The following EFCAB5 variants were observed in gnomAD, a reference collection of about 807,000 sequenced individuals.
EFCAB5 encodes the protein EF-hand calcium-binding domain-containing protein 5.
A neutral mutation model predicts 167.9 loss-of-function variants in EFCAB5; 131 were observed. That is an observed-to-expected ratio of 0.78 (90% CI 0.68 to 0.90). The LOEUF (loss-of-function observed/expected upper bound fraction) is 0.90, where lower values mean the gene tolerates loss of function less well. EFCAB5 is among the 40% of genes least tolerant of loss of function. EFCAB5 has a pLI of 0.00. For synonymous variants in EFCAB5, 574 were observed against 602.8 expected, an observed-to-expected ratio of 0.95 and a Z score of 0.70; for missense variants, 1,663 against 1,745.2, an observed-to-expected ratio of 0.95 and a Z score of 0.84.
chr17:30,001,862 G>A (rs1273757687), intron 7 of EFCAB5, among the ~76,000 whole-genome samples: 7 of 151,840 alleles, frequency 4.6e-5, no homozygotes, highest in South Asian at 2.1e-4. Flanking sequence ...TTGTGTAATC[G>A]TCACACAACT....
At chr17:30,032,190 C>A (rs552590644) in intron 7 of EFCAB5, among the ~76,000 whole-genome samples, 1 of 152,206 alleles carries the variant, frequency 6.6e-6, no homozygotes, top group South Asian at 2.1e-4. Context: ...TGAATATGTA[C>A]AACTGAATAT....
At chr17:29,933,652 C>T (rs192059789) in intron 1 of EFCAB5, among the ~76,000 whole-genome samples, 1 of 152,264 alleles carries the variant, frequency 6.6e-6, no homozygotes, top group East Asian at 1.9e-4. Context: ...GTCCATTTAA[C>T]CCTTAACTTG....
intron 7 of EFCAB5, among the ~76,000 whole-genome samples, chr17:30,000,346 C>T (rs961288542): frequency 6.6e-6 from 1 of 152,156 alleles, no homozygotes; most frequent in Non-Finnish European, 1.5e-5. Flanking sequence ...GCAACCCTTT[C>T]CTCTGCTTTT....
intron 15 of EFCAB5, among the ~76,000 whole-genome samples, chr17:30,079,442 A>G (rs1053719448): frequency 2.0e-5 from 3 of 152,220 alleles, no homozygotes; most frequent in Admixed American, 2.0e-4. Flanking sequence ...CATGTCCCCA[A>G]TTTATGGATA....
Position 29,993,156 on chromosome 17 carries a change from A to G in EFCAB5, c.768-9A>G, listed in dbSNP as rs1597635130. 3.1e-6 allele frequency: 5 copies of G among 1,602,950 alleles called. No individual in the cohort carries two copies. Among genetic ancestry groups the G allele is most frequent in the Non-Finnish European group, 4.3e-6 (5 of 1,174,392 alleles). Reference sequence around the variant, plus strand: ...AACTCAACATGTTTTCTATATCTACATCCTGCAGAGTATCCAAGATGAAGG... The same window carrying G: ...AACTCAACATGTTTTCTATATCTACGTCCTGCAGAGTATCCAAGATGAAGG... On this transcript the variant is annotated splice_polypyrimidine_tract_variant and intron_variant, in intron 4 of 22. Transcript: ENST00000394835.
At chr17:29,946,537 C>T (rs957293757) in intron 3 of EFCAB5, among the ~76,000 whole-genome samples, 1 of 148,526 alleles carries the variant, frequency 6.7e-6, no homozygotes. Flanking sequence ...CCCAGGTTCA[C>T]GCCATTCTCC....
chr17:30,073,607 C>T (rs990060916), intron 14 of EFCAB5: 11 of 694,764 alleles, frequency 1.6e-5, no homozygotes, highest in Middle Eastern at 2.6e-4. Flanking sequence ...CATTAGAGTT[C>T]GATATTTGTT....
At chr17:29,998,454 A>T (rs1424463704) in intron 6 of EFCAB5, among the ~76,000 whole-genome samples, 1 of 152,156 alleles carries the variant, frequency 6.6e-6, no homozygotes, top group South Asian at 2.1e-4. Flanking sequence ...CAGATACTGT[A>T]ATGAGTAAGA....
Position 30,104,509 on chromosome 17 carries a change from G to T in EFCAB5, c.4322-3325G>T, listed in dbSNP as rs904897614. On this transcript the variant is annotated intron_variant, in intron 22 of 22. Transcript: ENST00000394835. The stretch of plus-strand genomic sequence containing the variant: ...GTCACCCAGTACTCTCTATAGCTTA[G>T]ATATATTCAAATAATTTACTATACA... Among the ~76,000 whole-genome samples, 49 of 151,340 alleles carry T rather than the reference G, an allele frequency of 3.2e-4. 1 individual carries two copies. In the Middle Eastern group the frequency reaches 0.01, roughly 32 times the overall value.
At chr17:29,948,431 C>T (rs756102384) in intron 3 of EFCAB5, among the ~76,000 whole-genome samples, 28 of 152,134 alleles carry the variant, frequency 1.8e-4, no homozygotes, top group Non-Finnish European at 4.0e-4. Flanking sequence ...ATTGCAGTTG[C>T]TTATTCTGAT....
In EFCAB5 at chr17:29,993,258, G is replaced by A. The variant is rs1447493592; in HGVS notation, c.861G>A (p.Gln287=). ...IIVKVANTRK[Q]ALQEQFDEWI... ...TCAAGGTGGCCAACACACGGAAACA[G>A]GCTCTGCAGGAGCAATTCGATGAAT... The change falls in exon 5 of 23, where the codon CAG becomes CAA. Residue 287 remains glutamine, a synonymous_variant. Transcript: ENST00000394835. 1 of 1,613,870 alleles carries A rather than the reference G, an allele frequency of 6.2e-7. No individual in the cohort carries two copies. The highest frequency in any genetic ancestry group is 8.5e-7 in the Non-Finnish European group (1 of 1,179,838).
chr17:30,066,649 A>G (rs1597754325), intron 14 of EFCAB5, among the ~76,000 whole-genome samples: 2 of 152,254 alleles, frequency 1.3e-5, no homozygotes, highest in South Asian at 4.1e-4. Flanking sequence ...AAACTGGTAG[A>G]AAAAAAGAAA....
At chr17:29,983,100 C>G (rs2068211218) in intron 4 of EFCAB5, among the ~76,000 whole-genome samples, 1 of 152,198 alleles carries the variant, frequency 6.6e-6, no homozygotes, top group Non-Finnish European at 1.5e-5. Context: ...GGGCTCATGG[C>G]CCATCTCTGT....
chr17:29,972,554 C>T (rs1318664764), intron 4 of EFCAB5: 2 of 152,440 alleles, frequency 1.3e-5, no homozygotes, highest in Admixed American at 1.3e-4. Flanking sequence ...CTGTACGACC[C>T]GCGGGCTCTG....
At chr17:30,060,077 G>C (rs772696461) in intron 14 of EFCAB5, among the ~76,000 whole-genome samples, 3 of 152,194 alleles carry the variant, frequency 2.0e-5, no homozygotes, top group Non-Finnish European at 4.4e-5. Flanking sequence ...ACAGTCAGAA[G>C]TGGAATATGT....
intron 13 of EFCAB5, 89 bp downstream of exon 13, chr17:30,057,979 T>TA: frequency 2.3e-5 from 28 of 1,192,400 alleles, no homozygotes; most frequent in Non-Finnish European, 3.1e-5. Context: ...TGGCTCGTGT[T>TA]AAAAAATGTA....
At chr17:30,106,631 AT>A (rs2071452938) in intron 22 of EFCAB5, among the ~76,000 whole-genome samples, 1 of 151,904 alleles carries the variant, frequency 6.6e-6, no homozygotes, top group African/African-American at 2.4e-5. Context: ...TAATTTTTGT[AT>A]TTTTAGTAGA....
chr17:30,108,075 TCA>T lies in EFCAB5; in HGVS notation c.*52_*53del. 5 of 1,532,054 alleles carry T rather than the reference TCA, an allele frequency of 3.3e-6. No individual in the cohort carries two copies. Among genetic ancestry groups the T allele is most frequent in the Non-Finnish European group, 4.4e-6 (5 of 1,145,718 alleles). 94.9% of individuals were successfully genotyped at this position (1,532,054 alleles called of 1,614,324 possible). Reference sequence around the variant, plus strand: ...TGTATTTAGGATCCTTTGTTTGTTATCAGTTTTGTTTGTTAACTATAAAATAT... The same window carrying T: ...TGTATTTAGGATCCTTTGTTTGTTATGTTTTGTTTGTTAACTATAAAATAT... On this transcript the variant is annotated 3_prime_UTR_variant, in exon 23 of 23. Transcript: ENST00000394835.
At chr17:29,979,534 G>A (rs551812994) in intron 4 of EFCAB5, among the ~76,000 whole-genome samples, 2 of 152,258 alleles carry the variant, frequency 1.3e-5, no homozygotes, top group South Asian at 2.1e-4. Flanking sequence ...CCAGCCAAGT[G>A]TCCTCTTTGG....
Sources: gnomAD v4.1 joint callset for allele counts (sites outside exome capture counted in the v4.1 genomes callset) on GRCh38, gnomAD v4.1.1 for gene constraint, MANE v1.5 for transcripts, NCBI Gene and HGNC (gene_info 2026-07-23, HGNC 2026-07-21) for gene names.